Variants in PDE1C observed in about 807,000 individuals in gnomAD.
The protein encoded by PDE1C is phosphodiesterase 1C.
PDE1C carries 62 observed loss-of-function variants against 93.1 expected under a neutral mutation model. The observed-to-expected ratio is 0.67, with a 90% CI of 0.54 to 0.82. The LOEUF (loss-of-function observed/expected upper bound fraction) is 0.82. Ranked by LOEUF, PDE1C falls within the 40% of genes least tolerant of loss-of-function variation. PDE1C has a pLI of 0.00. For synonymous variants in PDE1C, 325 were observed against 310.1 expected, an observed-to-expected ratio of 1.05 and a Z score of -0.50; for missense variants, 742 against 884.6, an observed-to-expected ratio of 0.84 and a Z score of 2.04.
chr7:31,950,094 A>G (rs1807161517), intron 2 of PDE1C, among the ~76,000 whole-genome samples: 1 of 152,264 alleles, frequency 6.6e-6, no homozygotes, highest in African/African-American at 2.4e-5. Context: ...GTTTTTGGCC[A>G]TTTCTCTTGC....
At chr7:31,678,468 C>T in the PDE1C span, among the ~76,000 whole-genome samples, 17 of 152,130 alleles carry the variant, frequency 1.1e-4, no homozygotes, top group Non-Finnish European at 1.2e-4. Flanking sequence ...CATCACCAAT[C>T]AATAGAGTGA....
chr7:31,989,764 A>C (rs1038792727), intron 2 of PDE1C, among the ~76,000 whole-genome samples: 1 of 152,178 alleles, frequency 6.6e-6, no homozygotes, highest in Admixed American at 6.5e-5. Context: ...AGCTGTGTCT[A>C]TGTCTCAGCT....
Position 31,823,217 on chromosome 7 carries a change from G to T in PDE1C, c.1438C>A (p.Arg480=), listed in dbSNP as rs769715570. 7 of 1,611,524 alleles carry T rather than the reference G, an allele frequency of 4.3e-6. No homozygotes were observed. In the South Asian group the frequency reaches 7.7e-5, roughly 18 times the overall value. ...LNSISSSDAK[R]SGVKTSGSEG... ...GAACCAGAGGTCTTGACACCTGATC[G>T]CTTGGCATCTGACGAGCTGATGCTA... The change falls in exon 14 of 18, where the codon CGA becomes AGA. Residue 480 remains arginine, a synonymous_variant. Coordinates refer to ENST00000396191, the MANE Select transcript of PDE1C (RefSeq NM_001191057.4).
At chr7:31,870,417 A>T (rs1319804472) in intron 6 of PDE1C, among the ~76,000 whole-genome samples, 1 of 152,050 alleles carries the variant, frequency 6.6e-6, no homozygotes, top group African/African-American at 2.4e-5. Context: ...GTGAAAAGGG[A>T]GATATTACAA....
chr7:32,311,427 CA>C (rs1372444365), intron 1 of PDE1C, among the ~76,000 whole-genome samples: 1 of 152,172 alleles, frequency 6.6e-6, no homozygotes, highest in Non-Finnish European at 1.5e-5. Flanking sequence ...ATCCTGATAC[CA>C]AAGCCAGGTA....
the PDE1C span, among the ~76,000 whole-genome samples, chr7:31,621,533 A>ATACTT: frequency 6.8e-6 from 1 of 147,762 alleles, no homozygotes; most frequent in East Asian, 2.0e-4. Context: ...GAGAAATAAA[A>ATACTT]TACTTTGCAG....
At chr7:31,959,944 C>T (rs573786021) in intron 2 of PDE1C, among the ~76,000 whole-genome samples, 3 of 151,922 alleles carry the variant, frequency 2.0e-5, no homozygotes, top group Admixed American at 6.6e-5. Flanking sequence ...TGGCTCACTG[C>T]AACCTCTGCC....
chr7:31,902,949 A>C (rs1189230047), intron 2 of PDE1C, among the ~76,000 whole-genome samples: 1 of 151,762 alleles, frequency 6.6e-6, no homozygotes, highest in Admixed American at 6.6e-5. Flanking sequence ...TGAGATTATC[A>C]AACAAGTATG....
chr7:32,075,495 G>A (rs1162602596), upstream of PDE1C, among the ~76,000 whole-genome samples: 7 of 152,060 alleles, frequency 4.6e-5, no homozygotes, highest in Admixed American at 4.6e-4. Context: ...GGGCCTCTTT[G>A]GCGACACTGT....
chr7:31,653,069 A>G, the PDE1C span: 1 of 1,003,214 alleles, frequency 1.0e-6, no homozygotes, highest in Admixed American at 3.2e-5. Context: ...ACTAAATAGT[A>G]TACGGTCTCT....
intron 1 of PDE1C, among the ~76,000 whole-genome samples, chr7:32,396,660 TACAG>T (rs1784845470): frequency 6.6e-6 from 1 of 152,122 alleles, no homozygotes; most frequent in Admixed American, 6.5e-5. Context: ...CACTGTAGAA[TACAG>T]ACAGATACAT....
At chr7:32,207,973 G>A (rs1260732225) in intron 2 of PDE1C, among the ~76,000 whole-genome samples, 2 of 152,172 alleles carry the variant, frequency 1.3e-5, no homozygotes, top group African/African-American at 4.8e-5. Flanking sequence ...CTGCTCAGGA[G>A]ATGAAGAAAA....
At chr7:32,214,854 C>CTAGA (rs1157253127) in intron 1 of PDE1C, among the ~76,000 whole-genome samples, 2 of 152,142 alleles carry the variant, frequency 1.3e-5, no homozygotes. Context: ...GGGCAGTGAA[C>CTAGA]TAGACTCAAG....
intron 16 of PDE1C, chr7:31,786,220 T>C (rs1584071153): frequency 6.6e-6 from 1 of 152,094 alleles, no homozygotes; most frequent in Non-Finnish European, 1.5e-5. Flanking sequence ...TGACGTTTTA[T>C]ATAGATTGGT....
intron 1 of PDE1C, among the ~76,000 whole-genome samples, chr7:32,068,643 C>T (rs1795678052): frequency 2.6e-5 from 4 of 152,214 alleles, no homozygotes; most frequent in Admixed American, 6.5e-5. Context: ...AGCTACACGA[C>T]GCAGTGTTGT....
At chr7:32,402,955 A>G (rs1784978107) in intron 1 of PDE1C, among the ~76,000 whole-genome samples, 1 of 152,170 alleles carries the variant, frequency 6.6e-6, no homozygotes, top group African/African-American at 2.4e-5. Flanking sequence ...AAGGGCAAGA[A>G]TGTGTTAGTG....
chr7:31,624,131 C>G, the PDE1C span, among the ~76,000 whole-genome samples: 76,887 of 147,572 alleles, frequency 0.52, 20,298 homozygotes, highest in East Asian at 0.82. Context: ...AGGATACAAA[C>G]AAATGGAAGA....
At chr7:31,927,839 G>T (rs1803606184) in intron 2 of PDE1C, among the ~76,000 whole-genome samples, 2 of 152,102 alleles carry the variant, frequency 1.3e-5, no homozygotes, top group South Asian at 4.1e-4. Flanking sequence ...GGAAAAACCA[G>T]TGCAAAAATG....
chr7:32,370,488 G>T lies in PDE1C; in HGVS notation c.310+57334C>A, dbSNP rs1480526799. 2.6e-5 allele frequency among the ~76,000 whole-genome samples: 4 copies of T among 151,246 alleles called. No individual in the cohort carries two copies. The East Asian group carries it at 5.8e-4, about 22-fold the overall frequency. On this transcript the variant is annotated intron_variant, in intron 1 of 1. Coordinates refer to the PDE1C transcript ENST00000672256. ...AAGGATGAGTTCATGTCCTTTCTAG[G>T]GACATGGATGAAGCTGGAAACCATC...
Sources: gnomAD v4.1 joint callset for allele counts (sites outside exome capture counted in the v4.1 genomes callset) on GRCh38, gnomAD v4.1.1 for gene constraint, MANE v1.5 for transcripts, NCBI Gene and HGNC (gene_info 2026-07-23, HGNC 2026-07-21) for gene names.